Variants in CAPN5 observed in about 807,000 individuals in gnomAD.
CAPN5 encodes the protein calpain-5.
CAPN5 carries 54 observed loss-of-function variants against 73.0 expected under a neutral mutation model. The observed-to-expected ratio is 0.74, with a 90% CI of 0.59 to 0.93. The LOEUF (loss-of-function observed/expected upper bound fraction) is 0.93. Among genes scored for constraint, CAPN5 ranks in the 40% least tolerant of loss-of-function variants. The pLI is 0.00. For synonymous variants in CAPN5, 335 were observed against 356.9 expected (o/e 0.94, Z 0.69); for missense variants, 785 against 882.9 (o/e 0.89, Z 1.41).
chr11:77,071,596 C>T (rs1555033074), intron 1 of CAPN5: 2 of 451,434 alleles, frequency 4.4e-6, no homozygotes, highest in South Asian at 3.1e-5. Flanking sequence ...GCAGAAAATA[C>T]CTTTATTTTA....
chr11:77,119,100 C>T lies in CAPN5; in HGVS notation c.1238C>T (p.Thr413Met), dbSNP rs370528920. 56 of 1,613,868 alleles carry T rather than the reference C, an allele frequency of 3.5e-5. No individual in the cohort carries two copies. Among genetic ancestry groups the T allele is most frequent in the South Asian group, 6.6e-5 (6 of 91,006 alleles). ...ATCCAGCAGCGGCCAAAGCGGTCTA[C>T]GCGCCGGGAGGGCAAGGGTGAGAAC... ...ICIQQRPKRS[T>M]RREGKGENLA... is the part of the protein sequence containing the mutation. Residue 413 changes from threonine to methionine, a missense_variant, in exon 9 of 13, where the codon ACG (threonine) becomes ATG (methionine). Thr to Met is a moderately conservative substitution (Grantham distance 81, BLOSUM62 -1). Transcript: ENST00000648180.
chr11:77,088,404 C>T (rs1555035956), intron 2 of CAPN5, among the ~76,000 whole-genome samples: 25 of 152,304 alleles, frequency 1.6e-4, no homozygotes. Flanking sequence ...CCCAGCCGAA[C>T]TGCCCAGGAA....
chr11:77,110,483 C>T (rs1565273896), intron 3 of CAPN5, among the ~76,000 whole-genome samples: 1 of 152,178 alleles, frequency 6.6e-6, no homozygotes, highest in Non-Finnish European at 1.5e-5. Context: ...GGGAAAGGAA[C>T]AGCCAGTGTT....
At chr11:77,081,740 C>T (rs1390746275) in intron 1 of CAPN5, among the ~76,000 whole-genome samples, 1 of 152,116 alleles carries the variant, frequency 6.6e-6, no homozygotes, top group African/African-American at 2.4e-5. Flanking sequence ...GCTAGGGCTA[C>T]AGTCTGGATA....
At chr11:77,080,878 G>A (rs1263166359) in intron 1 of CAPN5, among the ~76,000 whole-genome samples, 2 of 152,210 alleles carry the variant, frequency 1.3e-5, no homozygotes, top group Non-Finnish European at 2.9e-5. Context: ...CAGTTGGGAT[G>A]CAAACTCAGA....
chr11:77,084,731 A>G (rs1178472525), intron 1 of CAPN5, 121 bp from the exon 2 acceptor site: 21 of 796,532 alleles, frequency 2.6e-5, no homozygotes, highest in South Asian at 2.1e-4. Flanking sequence ...GACCTTGGGT[A>G]GGCTCCACGC....
chr11:77,082,134 TGGCAGAGGAACAG>T (rs1408513457), intron 1 of CAPN5, among the ~76,000 whole-genome samples: 1 of 151,840 alleles, frequency 6.6e-6, no homozygotes, highest in African/African-American at 2.4e-5. Context: ...GGCACCAGGA[TGGCAGAGGAACAG>T]TGTGTGCAGA....
intron 3 of CAPN5, among the ~76,000 whole-genome samples, chr11:77,094,956 G>A (rs1174919085): frequency 6.6e-6 from 1 of 152,210 alleles, no homozygotes; most frequent in Non-Finnish European, 1.5e-5. Context: ...CTTGGGCAAG[G>A]CTGAGACTCT....
chr11:77,088,723 G>C (rs1334207953), intron 2 of CAPN5, among the ~76,000 whole-genome samples: 1 of 152,178 alleles, frequency 6.6e-6, no homozygotes, highest in Non-Finnish European at 1.5e-5. Context: ...GATGTGGAGG[G>C]AGCCTCTGCA....
intron 3 of CAPN5, among the ~76,000 whole-genome samples, chr11:77,102,340 T>C (rs963738911): frequency 6.6e-6 from 1 of 152,096 alleles, no homozygotes; most frequent in Non-Finnish European, 1.5e-5. Flanking sequence ...CTCCAAGGTT[T>C]AACTTAGGTG....
At chr11:77,118,044 G>C in intron 7 of CAPN5, 113 bp from the exon 8 acceptor site, 1 of 940,452 alleles carries the variant, frequency 1.1e-6, no homozygotes, top group Non-Finnish European at 1.6e-6. Flanking sequence ...CTCAAAGCCA[G>C]CTGTGTTCTC....
rs182112627 is a variant in CAPN5, at chr11:77,100,067, C to T, written c.297+6254C>T. ...GGCCAGGCTGGTCTCAAACTCTTGACCTCAGGTGATCCACCCGCCTCGGCC... is the reference window on the plus strand; with the variant it reads ...GGCCAGGCTGGTCTCAAACTCTTGATCTCAGGTGATCCACCCGCCTCGGCC... On this transcript the variant is annotated intron_variant, in intron 3 of 12. Coordinates refer to ENST00000648180, the MANE Select transcript of CAPN5 (RefSeq NM_004055.5). 5.5e-3 allele frequency among the ~76,000 whole-genome samples: 832 copies of T among 152,274 alleles called. 5 individuals are homozygous for T. The highest frequency in any genetic ancestry group is 0.018 in the African/African-American group (728 of 41,542).
chr11:77,099,764 G>C (rs1055647136), intron 3 of CAPN5, among the ~76,000 whole-genome samples: 8 of 148,050 alleles, frequency 5.4e-5, no homozygotes, highest in Non-Finnish European at 1.1e-4. Context: ...AGAGGGAGAC[G>C]GAGAGGGAGA....
intron 3 of CAPN5, among the ~76,000 whole-genome samples, chr11:77,098,208 C>T (rs1352280182): frequency 1.3e-5 from 1 of 74,892 alleles, no homozygotes; most frequent in South Asian, 6.5e-4. Flanking sequence ...CCGGACGGGG[C>T]GGCTGGCCGG....
At chr11:77,108,251 C>A (rs566272114) in intron 3 of CAPN5, among the ~76,000 whole-genome samples, 4 of 152,290 alleles carry the variant, frequency 2.6e-5, no homozygotes, top group Admixed American at 6.5e-5. Flanking sequence ...GCCCCTGTCC[C>A]CAAGGAGCTC....
At chr11:77,084,532 C>T (rs998571587) in intron 1 of CAPN5, among the ~76,000 whole-genome samples, 15 of 152,144 alleles carry the variant, frequency 9.9e-5, no homozygotes, top group South Asian at 2.1e-4. Context: ...GGTCTGATTC[C>T]GTCTGAGGAG....
rs144819710 is a variant in CAPN5, at chr11:77,072,317, G to A, written c.-36+5223G>A. 4.9e-3 allele frequency among the ~76,000 whole-genome samples: 750 copies of A among 152,274 alleles called. 2 individuals carry two copies. Among genetic ancestry groups the A allele is most frequent in the African/African-American group, 0.016 (672 of 41,542 alleles). The stretch of plus-strand genomic sequence containing the variant: ...TTGTTGCTACTTCCTCCATGCAGCC[G>A]TCCCTGCCTGGTGTGAACGAATCAC... On this transcript the variant is annotated intron_variant, in intron 1 of 12. Coordinates refer to ENST00000648180, the MANE Select transcript of CAPN5 (RefSeq NM_004055.5).
rs547148615 is a variant in CAPN5 at position 77,084,874 on chromosome 11, G to A, written c.-13G>A. On this transcript the variant is annotated 5_prime_UTR_variant, in exon 2 of 13. Coordinates refer to ENST00000648180, the MANE Select transcript of CAPN5 (RefSeq NM_004055.5). ...CAGGTGTTCCCCCTCCCCTCCCTGG[G>A]GCAGCAGCCACCATGTTCTCGTGTG... The A allele has an allele frequency of 1.2e-6, 2 of 1,613,930 alleles. No individual in the cohort carries two copies. Among genetic ancestry groups the A allele is most frequent in the South Asian group, 2.2e-5 (2 of 91,070 alleles).
In CAPN5 at chr11:77,073,848, G is replaced by A. The variant is rs1332114405; in HGVS notation, c.-36+6754G>A. ...GTGACTCACTGGGCCTGGTTGCCTTGGCTCTGGCGCCAGAACCCAGGAGCC... is the reference window on the plus strand; with the variant it reads ...GTGACTCACTGGGCCTGGTTGCCTTAGCTCTGGCGCCAGAACCCAGGAGCC... On this transcript the variant is annotated intron_variant, in intron 1 of 12. Transcript: ENST00000648180. 3.3e-5 allele frequency among the ~76,000 whole-genome samples: 5 copies of A among 152,242 alleles called. No individual in the cohort carries two copies. The East Asian group carries it at 9.7e-4, about 30-fold the overall frequency.
Sources: gnomAD v4.1 joint callset for allele counts (sites outside exome capture counted in the v4.1 genomes callset) on GRCh38, gnomAD v4.1.1 for gene constraint, MANE v1.5 for transcripts, NCBI Gene and HGNC (gene_info 2026-07-23, HGNC 2026-07-21) for gene names.